Variants in ARID1A observed in about 807,000 individuals in gnomAD.
The protein encoded by ARID1A is AT-rich interactive domain-containing protein 1A.
A neutral mutation model predicts 212.6 loss-of-function variants in ARID1A; 20 were observed. The observed-to-expected ratio is 0.09, with a 90% confidence interval of 0.07 to 0.14. The LOEUF is 0.14. Ranked by LOEUF, ARID1A falls within the 10% of genes least tolerant of loss-of-function variation. The pLI, the probability that ARID1A is intolerant of heterozygous loss-of-function variation, is 1.00. For missense variants in ARID1A, 2,587 were observed against 3,059.0 expected (o/e 0.85, Z 3.64); for synonymous variants, 1,376 against 1,222.1 (o/e 1.13, Z -2.63).
chr1:26,747,410 C>T (rs1022186011), intron 4 of ARID1A, among the ~76,000 whole-genome samples: 2 of 152,196 alleles, frequency 1.3e-5, no homozygotes, highest in African/African-American at 4.8e-5. Context: ...AAGGCTTAAT[C>T]TTGAGAGTCA....
rs1015062069 is a variant in ARID1A at position 26,780,339 on chromosome 1, G to A, written c.6441G>A (p.Leu2147=). The change falls in exon 20 of 20, where the codon TTG becomes TTA. Residue 2147 remains leucine, a synonymous_variant. Coordinates refer to ENST00000324856, the MANE Select transcript of ARID1A (RefSeq NM_006015.6). This position sits in a 1 kb window ranked among gnomAD's most constrained non-coding sequence, Gnocchi z 7.2. ...CCCCCTTCAGCCGCCTGGAGAAGTTGTATAGCACTATGGTGCGCTTCCTCA... is the reference window on the plus strand; with the variant it reads ...CCCCCTTCAGCCGCCTGGAGAAGTTATATAGCACTATGGTGCGCTTCCTCA... The part of the protein sequence containing the change: ...ATPPFSRLEK[L]YSTMVRFLSD... 1 of 1,614,132 alleles carries A rather than the reference G, an allele frequency of 6.2e-7. No individual in the cohort carries two copies. The highest frequency in any genetic ancestry group is 1.7e-5 in the Admixed American group (1 of 60,014).
At chr1:26,746,491 C>T (rs2080836281) in intron 4 of ARID1A, among the ~76,000 whole-genome samples, 1 of 152,182 alleles carries the variant, frequency 6.6e-6, no homozygotes, top group Admixed American at 6.5e-5. Context: ...GAGCCAAGTC[C>T]ACCCAGAAAT....
intron 1 of ARID1A, among the ~76,000 whole-genome samples, chr1:26,701,843 C>G (rs937384621): frequency 1.3e-5 from 2 of 152,146 alleles, no homozygotes; most frequent in African/African-American, 4.8e-5. Flanking sequence ...AGACTGTTGC[C>G]TTGAAACTGT....
intron 4 of ARID1A, among the ~76,000 whole-genome samples, chr1:26,755,114 A>C (rs868720895): frequency 1.3e-5 from 2 of 152,362 alleles, no homozygotes; most frequent in African/African-American, 2.4e-5. Flanking sequence ...CTCAAAAAAA[A>C]CCAAACCAAA....
chr1:26,748,789 CT>C (rs2080859803), intron 4 of ARID1A, among the ~76,000 whole-genome samples: 1 of 151,950 alleles, frequency 6.6e-6, no homozygotes, highest in African/African-American at 2.4e-5. Flanking sequence ...CTGTGACAAA[CT>C]GAAAAGCAGG....
At chr1:26,731,046 A>G in intron 2 of ARID1A, 106 bp from the exon 3 acceptor site, 3 of 1,256,544 alleles carry the variant, frequency 2.4e-6, no homozygotes, top group East Asian at 2.3e-5. Flanking sequence ...GAGGCCTTGC[A>G]TGCTTGCTTT....
chr1:26,758,958 T>A (rs926724098), intron 4 of ARID1A, among the ~76,000 whole-genome samples: 1 of 152,130 alleles, frequency 6.6e-6, no homozygotes, highest in Non-Finnish European at 1.5e-5. Context: ...TCAGCAGAAA[T>A]GCTCCCAGCC....
intron 1 of ARID1A, among the ~76,000 whole-genome samples, chr1:26,700,052 G>C (rs540299600): frequency 6.6e-6 from 1 of 152,284 alleles, no homozygotes; most frequent in South Asian, 2.1e-4. Flanking sequence ...CAGCTCAGTT[G>C]TCTACTCCCC....
intron 4 of ARID1A, among the ~76,000 whole-genome samples, chr1:26,757,297 C>T (rs1357495943): frequency 1.4e-5 from 2 of 147,774 alleles, no homozygotes; most frequent in African/African-American, 5.0e-5. Flanking sequence ...GAAACCCCGT[C>T]TCTACTAAAA....
intron 1 of ARID1A, among the ~76,000 whole-genome samples, chr1:26,719,972 G>A (rs1373551848): frequency 2.0e-5 from 3 of 150,656 alleles, no homozygotes; most frequent in Non-Finnish European, 4.4e-5. Flanking sequence ...GTACAACTGG[G>A]CTGGGCGTGG....
intron 1 of ARID1A, among the ~76,000 whole-genome samples, chr1:26,716,975 G>C (rs2080508649): frequency 6.6e-6 from 1 of 152,114 alleles, no homozygotes; most frequent in African/African-American, 2.4e-5. Flanking sequence ...TTGGCATCTT[G>C]CTCCCCGGGT....
At chr1:26,706,606 G>A (rs1162763149) in intron 1 of ARID1A, among the ~76,000 whole-genome samples, 1 of 152,176 alleles carries the variant, frequency 6.6e-6, no homozygotes, top group African/African-American at 2.4e-5. Flanking sequence ...AGGGATTAAA[G>A]GCCACATAGT....
At chr1:26,713,042 T>G (rs1202496971) in intron 1 of ARID1A, among the ~76,000 whole-genome samples, 2 of 152,242 alleles carry the variant, frequency 1.3e-5, no homozygotes, top group Non-Finnish European at 2.9e-5. Flanking sequence ...GGGACCTAGC[T>G]GCAATGAAGG....
At chr1:26,705,964 A>C (rs1209651978) in intron 1 of ARID1A, among the ~76,000 whole-genome samples, 1 of 152,192 alleles carries the variant, frequency 6.6e-6, no homozygotes, top group Non-Finnish European at 1.5e-5. Context: ...GATCCCTAAA[A>C]TGTTGACTTA....
In ARID1A at chr1:26,696,773, G is replaced by A. The variant is rs2124741555; in HGVS notation, c.370G>A (p.Gly124Ser). ...NNNLTEPPGG[G>S]GGGSSDGVGA... ...TAACCTCACGGAGCCGCCCGGCGGCGGCGGTGGCGGCAGCAGCGATGGGGT... is the reference window on the plus strand; with the variant it reads ...TAACCTCACGGAGCCGCCCGGCGGCAGCGGTGGCGGCAGCAGCGATGGGGT... The change falls in exon 1 of 20, where the codon GGC (glycine) becomes AGC (serine). Residue 124 changes from glycine (G) to serine (S), a missense_variant. By Grantham distance (56) the Gly-to-Ser change is moderately conservative. Coordinates refer to ENST00000324856, the MANE Select transcript of ARID1A (RefSeq NM_006015.6). The A allele has an allele frequency of 7.5e-7, 1 of 1,341,780 alleles. No homozygotes were observed. The highest frequency in any genetic ancestry group is 9.5e-7 in the Non-Finnish European group (1 of 1,051,198). The allele number at this position is 1,341,780 out of a possible 1,614,324, so 83.1% of individuals were successfully genotyped here. A position where few individuals can be genotyped will look rare whatever the true frequency, so the allele number is the denominator to read the frequency against.
intron 4 of ARID1A, among the ~76,000 whole-genome samples, chr1:26,757,029 A>G (rs2080946149): frequency 6.6e-6 from 1 of 152,072 alleles, no homozygotes; most frequent in Non-Finnish European, 1.5e-5. Flanking sequence ...TTATCATGAG[A>G]ATGTTTATGT....
At chr1:26,750,003 A>G (rs1210252970) in intron 4 of ARID1A, among the ~76,000 whole-genome samples, 3 of 152,226 alleles carry the variant, frequency 2.0e-5, no homozygotes, top group Non-Finnish European at 2.9e-5. Context: ...ACATTTATCA[A>G]GCATCTTGTC....
At chr1:26,728,149 A>C (rs770652479) in intron 1 of ARID1A, among the ~76,000 whole-genome samples, 1 of 152,226 alleles carries the variant, frequency 6.6e-6, no homozygotes. Flanking sequence ...CAGTTTTACT[A>C]TGACTTTGTA....
At chr1:26,745,624 C>G (rs1470372549) in intron 4 of ARID1A, among the ~76,000 whole-genome samples, 1 of 152,122 alleles carries the variant, frequency 6.6e-6, no homozygotes, top group African/African-American at 2.4e-5. Context: ...AACCTAAGGC[C>G]CAGAAAGGGC....
Sources: gnomAD v4.1 joint callset for allele counts (sites outside exome capture counted in the v4.1 genomes callset) on GRCh38, gnomAD v4.1.1 for gene constraint, Gnocchi (gnomAD v3.1) non-coding constraint, MANE v1.5 for transcripts, NCBI Gene and HGNC (gene_info 2026-07-23, HGNC 2026-07-21) for gene names.